Variants in KLF8 observed in about 807,000 individuals in gnomAD.
The protein encoded by KLF8 is Krueppel-like factor 8.
Under a neutral mutation model 18.2 loss-of-function variants are expected in KLF8, and 10 were observed. That is an observed-to-expected ratio of 0.55 (90% CI 0.34 to 0.93). KLF8 has a LOEUF of 0.93. Ranked by LOEUF, KLF8 falls within the 40% of genes least tolerant of loss-of-function variation. The pLI is 0.02. For synonymous variants in KLF8, 109 were observed against 97.3 expected (o/e 1.12, Z -0.71); for missense variants, 264 against 277.9 (o/e 0.95, Z 0.36).
the KLF8 span, among the ~76,000 whole-genome samples, chrX:56,060,205 G>A: frequency 7.2e-5 from 8 of 111,502 alleles, no homozygotes; most frequent in African/African-American, 2.0e-4. Flanking sequence ...TGCCCTGGCC[G>A]GAACTTTCAA....
the KLF8 span, among the ~76,000 whole-genome samples, chrX:56,075,860 G>T: frequency 1.8e-5 from 2 of 111,565 alleles, no homozygotes; most frequent in Non-Finnish European, 3.8e-5. Context: ...TATTTTTATG[G>T]CTGAATAGTA....
chrX:56,082,551 T>A, the KLF8 span, among the ~76,000 whole-genome samples: 1 of 110,663 alleles, frequency 9.0e-6, no homozygotes, highest in Non-Finnish European at 1.9e-5. Flanking sequence ...AGTTCAGTTG[T>A]TAATTCAAGA....
the KLF8 span, among the ~76,000 whole-genome samples, chrX:56,174,175 GT>G: frequency 8.9e-6 from 1 of 111,790 alleles, no homozygotes; most frequent in Non-Finnish European, 1.9e-5. Flanking sequence ...TCTTGTGTGA[GT>G]TTTCAAAAGG....
At chrX:56,090,044 A>G in the KLF8 span, among the ~76,000 whole-genome samples, 15 of 112,063 alleles carry the variant, frequency 1.3e-4, no homozygotes, top group African/African-American at 4.9e-4. Flanking sequence ...ACTCAACTCC[A>G]GCTCCCTCTA....
At chrX:56,156,566 C>A in the KLF8 span, among the ~76,000 whole-genome samples, 1 of 110,268 alleles carries the variant, frequency 9.1e-6, no homozygotes, top group African/African-American at 3.3e-5. Context: ...AGGACATGAT[C>A]TTGTTCTTTT....
the KLF8 span, among the ~76,000 whole-genome samples, chrX:56,034,371 ATG>A: frequency 8.9e-6 from 1 of 112,262 alleles, no homozygotes; most frequent in African/African-American, 3.2e-5. Flanking sequence ...TTCTTTGTGT[ATG>A]TGTCTATTGT....
the KLF8 span, among the ~76,000 whole-genome samples, chrX:56,178,849 G>C: frequency 8.9e-6 from 1 of 112,105 alleles, no homozygotes; most frequent in Non-Finnish European, 1.9e-5. Context: ...ATATATGTCT[G>C]TTTTGGTACC....
the KLF8 span, among the ~76,000 whole-genome samples, chrX:56,105,394 A>G: frequency 9.0e-6 from 1 of 111,515 alleles, no homozygotes; most frequent in Non-Finnish European, 1.9e-5. Context: ...GAGTCTGGGT[A>G]GTGCTGTATT....
At chrX:56,218,876 A>G in the KLF8 span, among the ~76,000 whole-genome samples, 1 of 111,958 alleles carries the variant, frequency 8.9e-6, no homozygotes, top group African/African-American at 3.2e-5. Flanking sequence ...GGTTAACAGC[A>G]TGAGGCCAAG....
chrX:55,990,833 A>G, the KLF8 span, among the ~76,000 whole-genome samples: 1 of 111,777 alleles, frequency 8.9e-6, no homozygotes, highest in East Asian at 2.8e-4. Context: ...TGAGCAGCAA[A>G]TGTTGCTGCC....
At chrX:56,059,544 AG>A in the KLF8 span, among the ~76,000 whole-genome samples, 3 of 112,077 alleles carry the variant, frequency 2.7e-5, no homozygotes, top group African/African-American at 9.7e-5. Context: ...GGTGTAAGGA[AG>A]GGGTCCAGTT....
At chrX:56,174,389 G>T in the KLF8 span, among the ~76,000 whole-genome samples, 3 of 111,767 alleles carry the variant, frequency 2.7e-5, no homozygotes, top group South Asian at 7.4e-4. Flanking sequence ...TTTGTATGTT[G>T]GATTACGTTT....
the KLF8 span, among the ~76,000 whole-genome samples, chrX:55,937,122 C>T: frequency 1.8e-5 from 2 of 111,175 alleles, no homozygotes; most frequent in East Asian, 5.7e-4. Flanking sequence ...GGAGGCACCC[C>T]AGAGTAGGGG....
At chrX:56,001,252 C>T in the KLF8 span, among the ~76,000 whole-genome samples, 5 of 112,279 alleles carry the variant, frequency 4.5e-5, no homozygotes, top group African/African-American at 1.6e-4. Context: ...AATCAAATGT[C>T]CAGGACATCA....
the KLF8 span, among the ~76,000 whole-genome samples, chrX:56,102,887 G>C: frequency 9.8e-6 from 1 of 101,676 alleles, no homozygotes; most frequent in Non-Finnish European, 2.0e-5. Flanking sequence ...ATCTCCTAAT[G>C]CTATCCCTCC....
At chrX:56,266,108 A>G in intron 3 of KLF8, 1 of 777,241 alleles carries the variant, frequency 1.3e-6, no homozygotes, top group South Asian at 6.3e-5. Flanking sequence ...ATGCTTCAAA[A>G]ATAGTTGAAG....
the KLF8 span, among the ~76,000 whole-genome samples, chrX:56,140,227 A>G: frequency 1.8e-5 from 2 of 112,236 alleles, no homozygotes; most frequent in Non-Finnish European, 3.8e-5. Flanking sequence ...AAACAGAGCT[A>G]CCTTTCAACT....
the KLF8 span, among the ~76,000 whole-genome samples, chrX:55,985,523 T>C: frequency 8.9e-6 from 1 of 112,041 alleles, no homozygotes; most frequent in African/African-American, 3.2e-5. Flanking sequence ...GTTTGGTTAC[T>C]GCAGCCTTGT....
the KLF8 span, among the ~76,000 whole-genome samples, chrX:55,971,246 C>G: frequency 3.6e-5 from 4 of 110,781 alleles, no homozygotes; most frequent in South Asian, 1.5e-3. Flanking sequence ...ATGGAGAATT[C>G]AAAAATAAAT....
Sources: allele counts gnomAD v4.1 joint callset (sites outside exome capture counted in the v4.1 genomes callset), GRCh38; gene constraint gnomAD v4.1.1; transcripts MANE v1.5; gene names NCBI Gene and HGNC (gene_info 2026-07-23, HGNC 2026-07-21).